The following MYCBP2 variants were observed in gnomAD, a reference collection of about 807,000 sequenced individuals.
MYCBP2 encodes the protein MYC binding protein 2, also known as E3 ubiquitin-protein ligase MYCBP2.
MYCBP2 carries 120 observed loss-of-function variants against 525.3 expected under a neutral mutation model. The observed-to-expected ratio is 0.23, with a 90% CI of 0.20 to 0.27. The LOEUF is 0.27. MYCBP2 is among the 10% of genes least tolerant of loss of function. The pLI is 1.00. For missense variants in MYCBP2, 4,149 were observed against 5,657.1 expected (o/e 0.73, Z 8.55); for synonymous variants, 1,894 against 1,955.8 (o/e 0.97, Z 0.83).
intron 1 of MYCBP2, among the ~76,000 whole-genome samples, chr13:77,302,265 T>C (rs2078885325): frequency 6.6e-6 from 1 of 151,828 alleles, no homozygotes; most frequent in African/African-American, 2.4e-5. Flanking sequence ...CATGGTCATA[T>C]TGCTAAAAGC....
At chr13:77,317,353 C>G (rs1450800101) in intron 1 of MYCBP2, among the ~76,000 whole-genome samples, 1 of 152,216 alleles carries the variant, frequency 6.6e-6, no homozygotes, top group Admixed American at 6.5e-5. Context: ...AAATGTTTCT[C>G]TTCTGAGAAC....
Position 77,205,301 on chromosome 13 carries a change from A to G in MYCBP2, c.3798T>C (p.Gly1266=). Residue 1266 remains glycine, a synonymous_variant, in exon 26 of 83, where the codon GGT becomes GGC. Coordinates refer to ENST00000544440, the MANE Select transcript of MYCBP2 (RefSeq NM_015057.5). ...CTCCTCTACCTCCAAACAGACCAAG[A>G]CCACCAAGTAAAATATCAGTGTCGG... is the stretch of plus-strand genomic sequence containing the variant. ...FSADTDILLG[G]LGLFGGRGEY... 1 of 1,613,698 alleles carries G rather than the reference A, an allele frequency of 6.2e-7. No homozygotes were observed. Among genetic ancestry groups the G allele is most frequent in the South Asian group, 1.1e-5 (1 of 91,026 alleles).
intron 71 of MYCBP2, among the ~76,000 whole-genome samples, chr13:77,066,578 C>A (rs1170339087): frequency 6.6e-6 from 1 of 152,178 alleles, no homozygotes; most frequent in Non-Finnish European, 1.5e-5. Context: ...CTGTTACACA[C>A]AATTACAGAA....
In MYCBP2 at chr13:77,263,703, T is replaced by C. The variant is rs750798565; in HGVS notation, c.1518A>G (p.Leu506=). ...CGAATAGTGAGATACCACAGGCATG[T>C]AAGCATTTTCTAGCCAGTTTAAGTT... is the stretch of plus-strand genomic sequence containing the variant. ...ELQLKLARKC[L]HACGISLFDL... The change falls in exon 10 of 83, where the codon TTA becomes TTG. Residue 506 remains leucine (L), a synonymous_variant. Transcript: ENST00000544440. 4 of 1,612,990 alleles carry C rather than the reference T, an allele frequency of 2.5e-6. No homozygotes were observed.
chr13:77,139,301 A>G lies in MYCBP2; in HGVS notation c.7554T>C (p.Asn2518=). ...GGACATACTTCTTTATTGTCTCATC[A>G]TTCAGCCTCAGCCACACACCATCAT... is the stretch of plus-strand genomic sequence containing the variant. The part of the protein sequence containing the change: ...HNDDGVWLRL[N]DETIKKYVPN... Residue 2518 remains asparagine (N), a synonymous_variant, in exon 52 of 83, where the codon AAT becomes AAC. Transcript: ENST00000544440. The G allele has an allele frequency of 6.2e-7, 1 of 1,613,902 alleles. No homozygotes were observed. The highest frequency in any genetic ancestry group is 8.5e-7 in the Non-Finnish European group (1 of 1,179,816).
At chr13:77,075,098 C>T (rs1454096677) in intron 68 of MYCBP2, among the ~76,000 whole-genome samples, 1 of 152,148 alleles carries the variant, frequency 6.6e-6, no homozygotes, top group Admixed American at 6.5e-5. Context: ...GTTCCAGCTA[C>T]TTGGGAGGCT....
intron 17 of MYCBP2, among the ~76,000 whole-genome samples, chr13:77,235,843 C>T (rs1370857691): frequency 6.6e-6 from 1 of 151,844 alleles, no homozygotes. Flanking sequence ...TAAAAGAAAC[C>T]ACCACATAAG....
At chr13:77,208,444 G>C (rs921283701) in intron 23 of MYCBP2, among the ~76,000 whole-genome samples, 1 of 152,058 alleles carries the variant, frequency 6.6e-6, no homozygotes, top group Non-Finnish European at 1.5e-5. Context: ...ATTGTAGGTA[G>C]TATCGTAATA....
intron 55 of MYCBP2, among the ~76,000 whole-genome samples, chr13:77,116,434 C>T (rs145172182): frequency 1.9e-4 from 29 of 151,862 alleles, no homozygotes; most frequent in African/African-American, 2.9e-4. Flanking sequence ...TTTCCCAACA[C>T]GGTATAAAAA....
chr13:77,079,691 T>A (rs1209610092), intron 65 of MYCBP2, among the ~76,000 whole-genome samples: 2 of 152,176 alleles, frequency 1.3e-5, no homozygotes, highest in African/African-American at 4.8e-5. Context: ...GGATTAGGGA[T>A]TTTTTAGGAT....
chr13:77,319,481 C>T (rs1409346547), intron 1 of MYCBP2, among the ~76,000 whole-genome samples: 1 of 152,118 alleles, frequency 6.6e-6, no homozygotes, highest in Non-Finnish European at 1.5e-5. Flanking sequence ...TGGGTTGAAG[C>T]CTTAGATTTT....
chr13:77,169,578 A>G, intron 39 of MYCBP2, 36 bp downstream of exon 39: 1 of 1,564,498 alleles, frequency 6.4e-7, no homozygotes, highest in Non-Finnish European at 8.8e-7. Context: ...AGATATTTAA[A>G]AAAAACATTC....
chr13:77,165,255 A>C lies in MYCBP2; in HGVS notation c.6459+18T>G. 2 of 1,524,864 alleles carry C rather than the reference A, an allele frequency of 1.3e-6. No individual in the cohort carries two copies. Among genetic ancestry groups the C allele is most frequent in the Non-Finnish European group, 1.8e-6 (2 of 1,102,790 alleles). The allele number at this position is 1,524,864 out of a possible 1,614,324, so 94.5% of individuals were successfully genotyped here. On this transcript the variant is annotated intron_variant, in intron 42 of 82. Transcript: ENST00000544440. ...ACACAATCTTCCTTAAAAGAATGAA[A>C]AGATAATTCATTCTTACCTCATCAG...
Position 77,096,448 on chromosome 13 carries a change from T to C in MYCBP2, c.9818A>G (p.Asn3273Ser). Residue 3273 changes from asparagine to serine, a missense_variant, in exon 57 of 83, where the codon AAT becomes AGT. Asn to Ser is a conservative substitution (Grantham distance 46). This residue lies in a region of MYCBP2 where 26 missense variants were observed against 48.2 expected (regional missense o/e 0.54). Transcript: ENST00000544440. ...TCCTCCACAAAAATGCCCAATGCTA[T>C]TGTAACCTTGTCCACCAGCATATCG... ...CGRYAGGQGY[N>S]SIGHFCGGWA... is the part of the protein sequence containing the mutation. 6.2e-7 allele frequency: 1 copy of C among 1,613,350 alleles called. No homozygotes were observed. The highest frequency in any genetic ancestry group is 8.5e-7 in the Non-Finnish European group (1 of 1,179,514).
chr13:77,062,098 G>T (rs2039401041), intron 74 of MYCBP2, among the ~76,000 whole-genome samples: 1 of 152,162 alleles, frequency 6.6e-6, no homozygotes, highest in Non-Finnish European at 1.5e-5. Context: ...GCCAAAGGAA[G>T]AAACTGTTTA....
At chr13:77,291,759 C>A (rs537275323) in intron 2 of MYCBP2, among the ~76,000 whole-genome samples, 1 of 150,768 alleles carries the variant, frequency 6.6e-6, no homozygotes, top group African/African-American at 2.4e-5. Flanking sequence ...AAGAGCGAAA[C>A]TCTGTCTCAA....
rs1005933941 is a variant in MYCBP2, at chr13:77,156,100, T to G, written c.6873A>C (p.Thr2291=). 1.2e-6 allele frequency: 2 copies of G among 1,614,038 alleles called. No homozygotes were observed. The highest frequency in any genetic ancestry group is 2.2e-5 in the East Asian group (1 of 44,864). ...CGWPTTITVQ[T]KDQYGDVVHV... is the part of the protein sequence containing the mutation. ...GTACCACATCCCCATACTGGTCTTT[T>G]GTTTGAACAGTTATGGTGGTAGGCC... Residue 2291 remains threonine (T), a synonymous_variant, in exon 46 of 83, where the codon ACA becomes ACC. Transcript: ENST00000544440.
At chr13:77,300,275 T>A (rs2078635197) in intron 1 of MYCBP2, among the ~76,000 whole-genome samples, 1 of 152,138 alleles carries the variant, frequency 6.6e-6, no homozygotes, top group South Asian at 2.1e-4. Flanking sequence ...ATAGGGAAAT[T>A]TTTTCTGCAA....
chr13:77,208,499 A>G (rs1685805201), intron 23 of MYCBP2, among the ~76,000 whole-genome samples: 1 of 152,246 alleles, frequency 6.6e-6, no homozygotes, highest in South Asian at 2.1e-4. Flanking sequence ...ACAGTTAAGT[A>G]TATTTGGTAT....
Sources: gnomAD v4.1 joint callset for allele counts (sites outside exome capture counted in the v4.1 genomes callset) on GRCh38, gnomAD v4.1.1 for gene constraint, gnomAD v4.1.1 regional missense constraint, MANE v1.5 for transcripts, NCBI Gene and HGNC (gene_info 2026-07-23, HGNC 2026-07-21) for gene names.